The following MARCHF10 variants were observed in gnomAD, a reference collection of about 807,000 sequenced individuals.
MARCHF10 encodes probable E3 ubiquitin-protein ligase MARCHF10.
A neutral mutation model predicts 76.2 loss-of-function variants in MARCHF10; 64 were observed. That is an observed-to-expected ratio of 0.84 (90% CI 0.69 to 1.03). MARCHF10 has a LOEUF of 1.03. Ranked by LOEUF, MARCHF10 falls within the 50% of genes least tolerant of loss-of-function variation. The pLI is 0.00. For missense variants in MARCHF10, 875 were observed against 958.0 expected (o/e 0.91, Z 1.14); for synonymous variants, 340 against 357.5 (o/e 0.95, Z 0.55).
At chr17:62,704,808 T>A (rs2089474593) in intron 10 of MARCHF10, 11 of 483,892 alleles carry the variant, frequency 2.3e-5, no homozygotes, top group Non-Finnish European at 3.0e-5. Flanking sequence ...TGTGAAATTT[T>A]CCCCCAGAAG....
At chr17:62,760,997 C>G (rs1249220527) in intron 3 of MARCHF10, among the ~76,000 whole-genome samples, 1 of 152,196 alleles carries the variant, frequency 6.6e-6, no homozygotes, top group African/African-American at 2.4e-5. Context: ...TTGTATTGAT[C>G]TTGCTCACCG....
intron 2 of MARCHF10, among the ~76,000 whole-genome samples, chr17:62,791,730 T>C (rs75738251): frequency 0.03 from 4,605 of 152,290 alleles, 86 homozygotes; most frequent in East Asian, 0.058. Flanking sequence ...CTCACAGTCG[T>C]AGAAGCAGCA....
chr17:62,793,053 C>T (rs1233742899), intron 2 of MARCHF10, among the ~76,000 whole-genome samples: 1 of 147,276 alleles, frequency 6.8e-6, no homozygotes, highest in Non-Finnish European at 1.5e-5. Flanking sequence ...CCACCAACGC[C>T]TCCATCACTA....
intron 4 of MARCHF10, chr17:62,746,875 A>T (rs760468415): frequency 4.6e-6 from 7 of 1,535,540 alleles, no homozygotes; most frequent in Non-Finnish European, 5.2e-6. Flanking sequence ...CTTCACAGGG[A>T]GGGATGCTTC....
intron 3 of MARCHF10, among the ~76,000 whole-genome samples, chr17:62,761,034 AT>A (rs2092188100): frequency 6.6e-6 from 1 of 152,188 alleles, no homozygotes; most frequent in African/African-American, 2.4e-5. Flanking sequence ...TGGCATTTTC[AT>A]TTCACAGGCT....
chr17:62,792,103 T>C (rs1312845339), intron 2 of MARCHF10, among the ~76,000 whole-genome samples: 1 of 152,084 alleles, frequency 6.6e-6, no homozygotes, highest in Non-Finnish European at 1.5e-5. Context: ...GGCTTCTTCC[T>C]TCCCTCCTCC....
intron 5 of MARCHF10, among the ~76,000 whole-genome samples, chr17:62,739,981 G>A (rs2091445743): frequency 6.6e-6 from 1 of 151,888 alleles, no homozygotes; most frequent in South Asian, 2.1e-4. Context: ...CCTGAAACAT[G>A]CATCTTCACC....
chr17:62,701,963 A>G (rs1333078615), intron 10 of MARCHF10, among the ~76,000 whole-genome samples: 1 of 152,168 alleles, frequency 6.6e-6, no homozygotes, highest in Admixed American at 6.5e-5. Context: ...TTGGGGTTTC[A>G]GCCACACCAG....
At chr17:62,708,801 T>C (rs777852430) in intron 9 of MARCHF10, among the ~76,000 whole-genome samples, 2 of 152,174 alleles carry the variant, frequency 1.3e-5, no homozygotes, top group Non-Finnish European at 2.9e-5. Context: ...CAGATGTGAC[T>C]CACTGTGGGC....
intron 6 of MARCHF10, among the ~76,000 whole-genome samples, chr17:62,732,451 G>C (rs747190338): frequency 7.9e-5 from 12 of 152,230 alleles, no homozygotes; most frequent in Non-Finnish European, 1.5e-4. Flanking sequence ...TTCCAAAGGA[G>C]AGGTGGCTGT....
intron 3 of MARCHF10, among the ~76,000 whole-genome samples, chr17:62,783,742 A>G (rs185101682): frequency 3.1e-4 from 47 of 152,324 alleles, no homozygotes; most frequent in African/African-American, 1.1e-3. Context: ...AATACTATAA[A>G]CACCTCTATG....
At chr17:62,779,366 G>A (rs1010401067) in intron 3 of MARCHF10, among the ~76,000 whole-genome samples, 1 of 152,216 alleles carries the variant, frequency 6.6e-6, no homozygotes, top group African/African-American at 2.4e-5. Flanking sequence ...GAACACATAT[G>A]CCACATCCTA....
rs148544410 is a variant in MARCHF10 at position 62,714,839 on chromosome 17, A to T, written c.2215-3495T>A. 1.4e-4 allele frequency among the ~76,000 whole-genome samples: 21 copies of T among 151,690 alleles called. No homozygotes were observed. The Middle Eastern group carries it at 0.017, about 123-fold the overall frequency. On this transcript the variant is annotated intron_variant, in intron 8 of 10. Transcript: ENST00000311269. ...CGGCTCACTGCAACCTCCGCCTCCC[A>T]GGTTTAAGTGATTCTCCTGCCTCAG...
intron 2 of MARCHF10, among the ~76,000 whole-genome samples, chr17:62,800,308 T>C (rs1207590360): frequency 6.6e-6 from 1 of 152,236 alleles, no homozygotes; most frequent in Non-Finnish European, 1.5e-5. Flanking sequence ...AGATTGATTT[T>C]TTCCTACATG....
intron 1 of MARCHF10, among the ~76,000 whole-genome samples, chr17:62,806,024 G>A (rs948214251): frequency 2.0e-5 from 3 of 151,878 alleles, no homozygotes; most frequent in Non-Finnish European, 2.9e-5. Context: ...TAGAAACATC[G>A]TGGTGCCACA....
intron 7 of MARCHF10, 95 bp downstream of exon 7, chr17:62,724,843 G>C: frequency 7.4e-7 from 1 of 1,354,586 alleles, no homozygotes. Flanking sequence ...CTGCGGAGGA[G>C]AGTGAGCTGA....
chr17:62,806,929 AAG>A (rs2093173179), intron 1 of MARCHF10, among the ~76,000 whole-genome samples: 1 of 152,252 alleles, frequency 6.6e-6, no homozygotes, highest in African/African-American at 2.4e-5. Flanking sequence ...ATGTTCTCAT[AAG>A]AGAAAGACAT....
intron 3 of MARCHF10, among the ~76,000 whole-genome samples, chr17:62,773,412 T>C (rs951579429): frequency 7.3e-5 from 11 of 151,712 alleles, no homozygotes; most frequent in Non-Finnish European, 1.5e-5. Context: ...CAGATTGGAG[T>C]GGGCTGAGGA....
chr17:62,761,951 G>A (rs1384068582), intron 3 of MARCHF10, among the ~76,000 whole-genome samples: 1 of 152,122 alleles, frequency 6.6e-6, no homozygotes, highest in Non-Finnish European at 1.5e-5. Flanking sequence ...CTCCCACAGG[G>A]CCCTGCAAGT....
Sources: gnomAD v4.1 joint callset for allele counts (sites outside exome capture counted in the v4.1 genomes callset) on GRCh38, gnomAD v4.1.1 for gene constraint, MANE v1.5 for transcripts, NCBI Gene and HGNC (gene_info 2026-07-23, HGNC 2026-07-21) for gene names.